OCA2: variants seen among roughly 807,000 people sequenced by gnomAD.
The protein encoded by OCA2 is OCA2 melanosomal transmembrane protein.
In OCA2, 77 loss-of-function variants were observed where a neutral mutation model predicts 100.2. The observed-to-expected ratio is 0.77, with a 90% CI of 0.64 to 0.93. The LOEUF (loss-of-function observed/expected upper bound fraction) is 0.93. OCA2 is among the 40% of genes least tolerant of loss of function. The pLI is 0.00. For missense variants in OCA2, 1,062 were observed against 1,089.1 expected, an observed-to-expected ratio of 0.98 and a Z score of 0.35; for synonymous variants, 432 against 439.2, an observed-to-expected ratio of 0.98 and a Z score of 0.21.
intron 19 of OCA2, among the ~76,000 whole-genome samples, chr15:27,917,033 G>T (rs1048636849): frequency 1.3e-5 from 2 of 152,140 alleles, no homozygotes; most frequent in African/African-American, 4.8e-5. Context: ...CACTCTGAAG[G>T]GAATGGCTGC....
intron 1 of OCA2, among the ~76,000 whole-genome samples, chr15:28,096,112 GC>G (rs2044976009): frequency 3.3e-5 from 5 of 152,032 alleles, no homozygotes; most frequent in African/African-American, 1.2e-4. Flanking sequence ...GTCTCCGGGG[GC>G]GTAGCTTGTC....
rs1427887569 is a variant in OCA2 at position 27,755,445 on chromosome 15, G to A, written c.2460C>T (p.Ser820=). 3 of 1,613,846 alleles carry A rather than the reference G, an allele frequency of 1.9e-6. No individual in the cohort carries two copies. Among genetic ancestry groups the A allele is most frequent in the Non-Finnish European group, 2.5e-6 (3 of 1,179,780 alleles). The change falls in exon 24 of 24, where the codon TCC becomes TCT. Residue 820 remains serine, a synonymous_variant. Transcript: ENST00000354638. ...GGAGATAACACATCCCAACAGTGCA[G>A]GACACAACCATCATTGGGAAGCCCA... is the stretch of plus-strand genomic sequence containing the variant. ...FRLGFPMMVV[S]CTVGMCYLLV...
At position 27,839,986 on chromosome 15, in the gene OCA2, G is replaced by T. The variant is rs562495420; in HGVS notation, c.2432+4973C>A. Among the ~76,000 whole-genome samples, 7 of 152,182 alleles carry T rather than the reference G, an allele frequency of 4.6e-5. No homozygotes were observed. The East Asian group carries it at 1.4e-3, about 29-fold the overall frequency. On this transcript the variant is annotated intron_variant, in intron 23 of 23. Transcript: ENST00000354638. ...CTGTTATTAAACATCCAATTCAGAT[G>T]AAAGGAAAGCCACACTGAAAATACA...
intron 19 of OCA2, among the ~76,000 whole-genome samples, chr15:27,919,773 T>C (rs2038792169): frequency 6.6e-6 from 1 of 152,170 alleles, no homozygotes; most frequent in African/African-American, 2.4e-5. Context: ...ATATAAACTA[T>C]GGACTCTGGA....
At chr15:28,034,202 G>GA (rs1461771316) in intron 2 of OCA2, among the ~76,000 whole-genome samples, 1 of 152,110 alleles carries the variant, frequency 6.6e-6, no homozygotes, top group Non-Finnish European at 1.5e-5. Context: ...TGAGGTGGGA[G>GA]AATCACTTGA....
intron 19 of OCA2, among the ~76,000 whole-genome samples, chr15:27,912,929 C>A (rs2703936): frequency 0.63 from 96,345 of 151,972 alleles, 31,167 homozygotes; most frequent in East Asian, 0.96. Context: ...ATGCACTAGA[C>A]AAGGCACATC....
chr15:27,829,960 C>A (rs2034888155), intron 23 of OCA2, among the ~76,000 whole-genome samples: 1 of 152,098 alleles, frequency 6.6e-6, no homozygotes, highest in South Asian at 2.1e-4. Context: ...TACTATAAAG[C>A]AAAGATATTA....
At chr15:27,829,279 T>TGATAGATAGATAGATAGATA (rs56223349) in intron 23 of OCA2, among the ~76,000 whole-genome samples, 48 of 107,614 alleles carry the variant, frequency 4.5e-4, no homozygotes, top group Non-Finnish European at 8.2e-4. Flanking sequence ...AGAAGATAGA[T>TGATAGATAGATAGATAGATA]GATAGATAGA....
intron 23 of OCA2, among the ~76,000 whole-genome samples, chr15:27,823,432 CAGTT>C (rs1259593362): frequency 2.0e-5 from 3 of 152,242 alleles, no homozygotes; most frequent in African/African-American, 7.2e-5. Context: ...GTTATAACTG[CAGTT>C]ATTTAATTTT....
At chr15:28,049,648 G>A (rs2043448838) in intron 2 of OCA2, among the ~76,000 whole-genome samples, 1 of 152,204 alleles carries the variant, frequency 6.6e-6, no homozygotes, top group African/African-American at 2.4e-5. Flanking sequence ...ATGAAATTCT[G>A]ACACATGCCG....
intron 23 of OCA2, among the ~76,000 whole-genome samples, chr15:27,837,776 C>T (rs901302433): frequency 6.6e-6 from 1 of 151,340 alleles, no homozygotes; most frequent in Non-Finnish European, 1.5e-5. Context: ...GCAGGCGTGC[C>T]CATCAAAGCC....
the OCA2 span, among the ~76,000 whole-genome samples, chr15:27,722,384 G>A: frequency 6.6e-6 from 1 of 152,238 alleles, no homozygotes; most frequent in Non-Finnish European, 1.5e-5. Flanking sequence ...CAAAATGCCA[G>A]ATCGCCTTTT....
chr15:28,070,329 C>G (rs1181578576), intron 2 of OCA2, among the ~76,000 whole-genome samples: 1 of 141,460 alleles, frequency 7.1e-6, no homozygotes. Context: ...GTCAGCCCCC[C>G]GCCCGGCCAG....
chr15:28,081,768 C>A lies in OCA2; in HGVS notation c.107G>T (p.Arg36Leu), dbSNP rs143429491. 4 of 1,613,144 alleles carry A rather than the reference C, an allele frequency of 2.5e-6. No individual in the cohort carries two copies. The highest frequency in any genetic ancestry group is 3.4e-6 in the Non-Finnish European group (4 of 1,179,860). ...SGLAELVAGKRRLPRGAGGAD... is the reference protein window; with the variant it reads ...SGLAELVAGKLRLPRGAGGAD... ...TCCACCGGCTCCCCGAGGAAGCCTG[C>A]GCTTGCCGGCCACAAGTTCAGCGAG... Residue 36 changes from arginine (R) to leucine (L), a missense_variant, in exon 2 of 24, where the codon CGC becomes CTC. Coordinates refer to ENST00000354638, the MANE Select transcript of OCA2 (RefSeq NM_000275.3).
At chr15:28,046,581 A>G (rs1007888744) in intron 2 of OCA2, among the ~76,000 whole-genome samples, 1 of 152,178 alleles carries the variant, frequency 6.6e-6, no homozygotes, top group Non-Finnish European at 1.5e-5. Context: ...GCCAGAAGCC[A>G]CCAGGGAGCT....
chr15:27,845,011 C>T lies in OCA2; in HGVS notation c.2380G>A (p.Ala794Thr), dbSNP rs755459907. The T allele has an allele frequency of 1.5e-5, 25 of 1,614,112 alleles. No homozygotes were observed. In the Middle Eastern group the frequency reaches 4.9e-4, roughly 32 times the overall value. ...TATCCATGCTGTTCTGCAATCCCTG[C>T]ACACACGACGTTTGCCGACGCGCCA... is the stretch of plus-strand genomic sequence containing the variant. ...LIGASANVVC[A>T]GIAEQHGYGF... Residue 794 changes from alanine to threonine, a missense_variant, in exon 23 of 24, where the codon GCA (alanine) becomes ACA (threonine). Physicochemically the swap from Ala to Thr is moderately conservative, Grantham distance 58. Transcript: ENST00000354638.
intron 23 of OCA2, among the ~76,000 whole-genome samples, chr15:27,782,024 C>A (rs2151091552): frequency 6.6e-6 from 1 of 152,308 alleles, no homozygotes; most frequent in South Asian, 2.1e-4. Flanking sequence ...TGTTCTATTG[C>A]AACTTACATT....
intron 18 of OCA2, among the ~76,000 whole-genome samples, chr15:27,949,698 A>C (rs2039968675): frequency 6.6e-6 from 1 of 152,186 alleles, no homozygotes; most frequent in South Asian, 2.1e-4. Flanking sequence ...CATTTAAAAA[A>C]ATTAAAAAGA....
chr15:27,869,586 A>G (rs535105360), intron 21 of OCA2, among the ~76,000 whole-genome samples: 99 of 152,360 alleles, frequency 6.5e-4, no homozygotes, highest in African/African-American at 2.3e-3. Flanking sequence ...TAAATCATCA[A>G]TGCTAGGGCT....
Sources: gnomAD v4.1 joint callset for allele counts (sites outside exome capture counted in the v4.1 genomes callset) on GRCh38, gnomAD v4.1.1 for gene constraint, MANE v1.5 for transcripts, NCBI Gene and HGNC (gene_info 2026-07-23, HGNC 2026-07-21) for gene names.